RIMS2: variants seen among roughly 807,000 people sequenced by gnomAD.
RIMS2 encodes the protein regulating synaptic membrane exocytosis 2.
In RIMS2, 59 loss-of-function variants were observed where a neutral mutation model predicts 174.4. The ratio of observed to expected loss-of-function variants is 0.34; its 90% confidence interval spans 0.27 to 0.42. RIMS2 has a LOEUF of 0.42. Among genes scored for constraint, RIMS2 ranks in the 10% least tolerant of loss-of-function variants. RIMS2 has a pLI of 1.00. For missense variants in RIMS2, 1,620 were observed against 1,666.3 expected, an observed-to-expected ratio of 0.97 and a Z score of 0.48; for synonymous variants, 606 against 572.5, an observed-to-expected ratio of 1.06 and a Z score of -0.84.
intron 3 of RIMS2, among the ~76,000 whole-genome samples, chr8:103,822,139 A>C (rs2098755795): frequency 1.3e-5 from 2 of 151,714 alleles, no homozygotes; most frequent in Admixed American, 1.3e-4. Flanking sequence ...GCTTTCTAGT[A>C]GGGATTACTA....
intron 3 of RIMS2, among the ~76,000 whole-genome samples, chr8:103,841,706 A>G (rs576714373): frequency 6.6e-6 from 1 of 152,268 alleles, no homozygotes; most frequent in African/African-American, 2.4e-5. Flanking sequence ...ACCCTTGGCT[A>G]CACATCTGTA....
chr8:103,656,517 A>G (rs796209612), intron 1 of RIMS2, among the ~76,000 whole-genome samples: 1 of 152,310 alleles, frequency 6.6e-6, no homozygotes, highest in African/African-American at 2.4e-5. Flanking sequence ...CCTACTCTCA[A>G]ATAGTTCATG....
rs528651717 is a variant in RIMS2, at chr8:103,550,530, A to G, written c.176+49468A>G. On this transcript the variant is annotated intron_variant, in intron 1 of 23. Transcript: ENST00000504942. ...AAAGATCTAAAATTGACACCCTAAC[A>G]TCACAAGTAAAAGAACTAGAGAAGC... Among the ~76,000 whole-genome samples the G allele has an allele frequency of 6.6e-5, 10 of 152,304 alleles. 1 individual carries two copies. Among genetic ancestry groups the G allele is most frequent in the Middle Eastern group, 3.4e-3 (1 of 294 alleles).
At chr8:104,051,204 A>T (rs968332494) in intron 19 of RIMS2, among the ~76,000 whole-genome samples, 2 of 151,822 alleles carry the variant, frequency 1.3e-5, no homozygotes, top group African/African-American at 4.8e-5. Flanking sequence ...GCAGCGCTGC[A>T]CTCCAGCCTG....
intron 1 of RIMS2, among the ~76,000 whole-genome samples, chr8:103,587,065 T>A (rs184836868): frequency 1.3e-5 from 2 of 152,052 alleles, no homozygotes; most frequent in East Asian, 3.9e-4. Flanking sequence ...GATCCATTTA[T>A]CTGAGCAACT....
chr8:104,131,807 T>C (rs1189448373), intron 19 of RIMS2, among the ~76,000 whole-genome samples: 1 of 152,122 alleles, frequency 6.6e-6, no homozygotes, highest in Non-Finnish European at 1.5e-5. Context: ...AACTGAGGAT[T>C]GGGGTTTATT....
At chr8:103,611,785 T>C (rs1298590367) in intron 1 of RIMS2, among the ~76,000 whole-genome samples, 1 of 152,116 alleles carries the variant, frequency 6.6e-6, no homozygotes, top group Non-Finnish European at 1.5e-5. Context: ...TGGTGTTCTA[T>C]AGCCTTCTTG....
chr8:103,638,949 AT>A (rs1409710890), intron 1 of RIMS2, among the ~76,000 whole-genome samples: 1 of 151,894 alleles, frequency 6.6e-6, no homozygotes, highest in Non-Finnish European at 1.5e-5. Context: ...AATTTGCGTG[AT>A]TTTGTACTGA....
At chr8:104,113,594 G>A (rs1301061638) in intron 19 of RIMS2, among the ~76,000 whole-genome samples, 1 of 151,896 alleles carries the variant, frequency 6.6e-6, no homozygotes, top group African/African-American at 2.4e-5. Context: ...AGAAAGAATT[G>A]CATCAGGGAC....
intron 1 of RIMS2, among the ~76,000 whole-genome samples, chr8:103,530,955 G>C (rs553383708): frequency 6.6e-6 from 1 of 151,632 alleles, no homozygotes; most frequent in African/African-American, 2.4e-5. Flanking sequence ...GTACCTTTCT[G>C]TCTGTATGTT....
chr8:103,680,315 T>C lies in RIMS2; in HGVS notation c.177-16771T>C, dbSNP rs77208084. ...TAGCTAGTATATGATGCTTGGAATA[T>C]AGGATCTCTATATGGAGAAGATTGA... On this transcript the variant is annotated intron_variant, in intron 1 of 23. Coordinates refer to ENST00000504942, the Ensembl canonical transcript of RIMS2. Among the ~76,000 whole-genome samples the C allele has an allele frequency of 3.6e-3, 542 of 152,144 alleles. 3 individuals are homozygous for C. Among genetic ancestry groups the C allele is most frequent in the African/African-American group, 0.012 (516 of 41,566 alleles).
intron 2 of RIMS2, among the ~76,000 whole-genome samples, chr8:103,733,953 G>C (rs1436086167): frequency 6.6e-6 from 1 of 150,548 alleles, no homozygotes; most frequent in African/African-American, 2.5e-5. Context: ...GTGTTTCTAT[G>C]GTGGGAATGA....
At chr8:103,793,261 G>T (rs1195929509) in intron 3 of RIMS2, among the ~76,000 whole-genome samples, 1 of 152,186 alleles carries the variant, frequency 6.6e-6, no homozygotes, top group Non-Finnish European at 1.5e-5. Flanking sequence ...TCCCTGGGAT[G>T]GAAGGCTGGT....
intron 19 of RIMS2, among the ~76,000 whole-genome samples, chr8:104,120,180 CAATT>C (rs1375274662): frequency 6.6e-6 from 1 of 152,108 alleles, no homozygotes; most frequent in Non-Finnish European, 1.5e-5. Context: ...ACTCATAAAA[CAATT>C]AAAATCATCA....
intron 19 of RIMS2, among the ~76,000 whole-genome samples, chr8:104,121,260 T>A (rs1009581594): frequency 5.3e-5 from 8 of 152,178 alleles, no homozygotes; most frequent in Non-Finnish European, 1.2e-4. Flanking sequence ...TTCCATATTT[T>A]CATTGAGTAA....
intron 17 of RIMS2, among the ~76,000 whole-genome samples, chr8:103,998,407 C>T (rs1055837727): frequency 4.0e-5 from 6 of 151,600 alleles, no homozygotes; most frequent in African/African-American, 7.3e-5. Context: ...TGAAATAAAA[C>T]GTATTAACTA....
chr8:103,974,294 T>A (rs2093212799), intron 15 of RIMS2, among the ~76,000 whole-genome samples: 1 of 152,230 alleles, frequency 6.6e-6, no homozygotes, highest in Non-Finnish European at 1.5e-5. Flanking sequence ...GAGTTATTTC[T>A]GAAACGAATG....
At chr8:103,636,670 G>A (rs1334961045) in intron 1 of RIMS2, among the ~76,000 whole-genome samples, 3 of 152,066 alleles carry the variant, frequency 2.0e-5, no homozygotes, top group Admixed American at 2.0e-4. Flanking sequence ...TGTTATCGTC[G>A]AAGGTGTTGC....
intron 1 of RIMS2, among the ~76,000 whole-genome samples, chr8:103,589,321 T>C (rs1252115526): frequency 2.3e-5 from 2 of 85,356 alleles, no homozygotes; most frequent in African/African-American, 9.3e-5. Flanking sequence ...AAGAGGCATA[T>C]GAAAAAGTGC....
Sources: gnomAD v4.1 joint callset for allele counts (sites outside exome capture counted in the v4.1 genomes callset) on GRCh38, gnomAD v4.1.1 for gene constraint, MANE v1.5 for transcripts, NCBI Gene and HGNC (gene_info 2026-07-23, HGNC 2026-07-21) for gene names.